The following STXBP5L variants were observed in gnomAD, a reference collection of about 807,000 sequenced individuals.
The protein encoded by STXBP5L is syntaxin-binding protein 5-like.
Under a neutral mutation model 144.5 loss-of-function variants are expected in STXBP5L, and 65 were observed. The ratio of observed to expected loss-of-function variants is 0.45; its 90% CI spans 0.37 to 0.55. The LOEUF (loss-of-function observed/expected upper bound fraction) is 0.55, where lower values mean the gene tolerates loss of function less well. STXBP5L is among the 20% of genes least tolerant of loss of function. The pLI, the probability that STXBP5L is intolerant of heterozygous loss-of-function variation, is 0.00. For missense variants in STXBP5L, 1,298 were observed against 1,405.5 expected, an observed-to-expected ratio of 0.92 and a Z score of 1.22; for synonymous variants, 505 against 469.6, an observed-to-expected ratio of 1.08 and a Z score of -0.97.
chr3:121,353,830 A>G (rs1364914848), intron 20 of STXBP5L, among the ~76,000 whole-genome samples: 1 of 152,114 alleles, frequency 6.6e-6, no homozygotes, highest in Non-Finnish European at 1.5e-5. Flanking sequence ...AGTGCTATAC[A>G]TTTCCCTCTA....
At chr3:121,000,435 G>C (rs916275141) in intron 3 of STXBP5L, among the ~76,000 whole-genome samples, 1 of 152,034 alleles carries the variant, frequency 6.6e-6, no homozygotes, top group Non-Finnish European at 1.5e-5. Flanking sequence ...TGAAATTCTT[G>C]TGGTGAGTTT....
chr3:121,198,199 A>G (rs1202002111), intron 9 of STXBP5L, among the ~76,000 whole-genome samples: 2 of 152,182 alleles, frequency 1.3e-5, no homozygotes, highest in African/African-American at 4.8e-5. Context: ...CTGGCGTGAG[A>G]TGGTATCTCA....
intron 22 of STXBP5L, among the ~76,000 whole-genome samples, chr3:121,400,932 A>G (rs1167351225): frequency 3.9e-5 from 6 of 152,200 alleles, no homozygotes; most frequent in Non-Finnish European, 8.8e-5. Context: ...TAGAACATAA[A>G]TAGCAAATAT....
At position 121,381,491 on chromosome 3, in the gene STXBP5L, A is replaced by T. The variant is rs770940165; in HGVS notation, c.2546A>T (p.Asp849Val). 1.3e-6 allele frequency: 2 copies of T among 1,595,470 alleles called. No individual in the cohort carries two copies. The highest frequency in any genetic ancestry group is 1.7e-6 in the Non-Finnish European group (2 of 1,174,928). The stretch of plus-strand genomic sequence containing the variant: ...ATCTCCTTAAACCTACCATTAGCAG[A>T]TGAACAAAGGTTTACAGAGCCAGTC... ...LIISLNLPLA[D>V]EQRFTEPVMV... is the part of the protein sequence containing the mutation. The change falls in exon 22 of 27, where the codon GAT becomes GTT. Residue 849 changes from aspartate (D) to valine (V), a missense_variant. Asp to Val is a radical substitution (Grantham distance 152). Coordinates refer to ENST00000471454, the MANE Select transcript of STXBP5L (RefSeq NM_001308330.2).
intron 3 of STXBP5L, among the ~76,000 whole-genome samples, chr3:121,002,627 T>C (rs1272465278): frequency 6.6e-6 from 1 of 152,108 alleles, no homozygotes; most frequent in Admixed American, 6.6e-5. Context: ...AGTATCAAAG[T>C]ATTTTTACTA....
At chr3:121,319,876 G>GGAGGC (rs2043912088) in intron 20 of STXBP5L, among the ~76,000 whole-genome samples, 2 of 152,098 alleles carry the variant, frequency 1.3e-5, no homozygotes, top group Admixed American at 1.3e-4. Context: ...CAGCACTTTG[G>GGAGGC]GAGGCCAAGG....
chr3:120,974,442 G>A (rs1174335966), intron 3 of STXBP5L, among the ~76,000 whole-genome samples: 1 of 148,742 alleles, frequency 6.7e-6, no homozygotes, highest in East Asian at 2.0e-4. Flanking sequence ...CTGGATATTA[G>A]CCCTTTGTCA....
At chr3:121,049,699 A>T (rs980266755) in intron 5 of STXBP5L, 2 of 154,088 alleles carry the variant, frequency 1.3e-5, no homozygotes, top group African/African-American at 4.8e-5. Flanking sequence ...ACCTTGCAGG[A>T]TAAGGTCTAC....
intron 4 of STXBP5L, among the ~76,000 whole-genome samples, chr3:121,043,438 C>G (rs1038767335): frequency 6.6e-6 from 1 of 151,674 alleles, no homozygotes; most frequent in Non-Finnish European, 1.5e-5. Flanking sequence ...TGGCCGGGCG[C>G]GGTGGCTCAC....
intron 9 of STXBP5L, among the ~76,000 whole-genome samples, chr3:121,190,154 G>C: frequency 6.6e-6 from 1 of 152,122 alleles, no homozygotes; most frequent in Non-Finnish European, 1.5e-5. Flanking sequence ...AAGGTCAGCG[G>C]ATAAACATGT....
intron 2 of STXBP5L, among the ~76,000 whole-genome samples, chr3:120,926,962 G>T (rs1261985052): frequency 7.1e-6 from 1 of 141,410 alleles, no homozygotes; most frequent in African/African-American, 2.6e-5. Flanking sequence ...TTGAGATGGA[G>T]TCTCCCTCTG....
chr3:121,380,553 A>G (rs1052501670), intron 21 of STXBP5L, among the ~76,000 whole-genome samples: 3 of 152,046 alleles, frequency 2.0e-5, no homozygotes, highest in Admixed American at 2.0e-4. Context: ...GAGCGTGCAC[A>G]TGTACAAGTG....
intron 9 of STXBP5L, among the ~76,000 whole-genome samples, chr3:121,202,003 A>G (rs2048158935): frequency 3.3e-5 from 5 of 152,214 alleles, no homozygotes; most frequent in Admixed American, 2.6e-4. Context: ...TGATCCACCT[A>G]CCTTGGCCTC....
chr3:121,371,804 C>T (rs2046038031), intron 20 of STXBP5L, among the ~76,000 whole-genome samples: 1 of 152,196 alleles, frequency 6.6e-6, no homozygotes, highest in South Asian at 2.1e-4. Flanking sequence ...TAATTTTGCA[C>T]CAGTGGCAGT....
chr3:121,218,191 GTA>G (rs1028469896), intron 10 of STXBP5L, among the ~76,000 whole-genome samples: 2 of 135,832 alleles, frequency 1.5e-5, no homozygotes, highest in Admixed American at 7.8e-5. Context: ...GTATGATATA[GTA>G]TATATATTAC....
chr3:121,408,020 G>C lies in STXBP5L; in HGVS notation c.2948+417G>C, dbSNP rs915708621. Among the ~76,000 whole-genome samples, 4 of 152,040 alleles carry C rather than the reference G, an allele frequency of 2.6e-5. 1 individual carries two copies. Among genetic ancestry groups the C allele is most frequent in the East Asian group, 3.9e-4 (2 of 5,182 alleles). ...ACTTCACCCAAGAAATTTACATACA[G>C]AGTTTCATTTGATCCTTAGAACTTC... On this transcript the variant is annotated intron_variant, in intron 23 of 26. Transcript: ENST00000471454.
At chr3:121,338,733 G>A (rs937846059) in intron 20 of STXBP5L, among the ~76,000 whole-genome samples, 3 of 151,820 alleles carry the variant, frequency 2.0e-5, no homozygotes, top group East Asian at 1.9e-4. Flanking sequence ...TGATACCACA[G>A]GAATACAAAA....
intron 9 of STXBP5L, among the ~76,000 whole-genome samples, chr3:121,203,449 G>T (rs900420193): frequency 6.6e-6 from 1 of 151,990 alleles, no homozygotes; most frequent in African/African-American, 2.4e-5. Context: ...TTAATACAGT[G>T]AATTTTAAGC....
At chr3:120,974,887 G>C (rs1940760859) in intron 3 of STXBP5L, among the ~76,000 whole-genome samples, 2 of 152,104 alleles carry the variant, frequency 1.3e-5, no homozygotes, top group Admixed American at 1.3e-4. Flanking sequence ...GCTCTGTTCT[G>C]TTCCATTGAT....
Sources: allele counts gnomAD v4.1 joint callset (sites outside exome capture counted in the v4.1 genomes callset), GRCh38; gene constraint gnomAD v4.1.1; transcripts MANE v1.5; gene names NCBI Gene and HGNC (gene_info 2026-07-23, HGNC 2026-07-21).